Variants in DNASE1 observed in about 807,000 individuals in gnomAD.
DNASE1 encodes deoxyribonuclease-1.
Under a neutral mutation model 33.9 loss-of-function variants are expected in DNASE1, and 40 were observed. That is an observed-to-expected ratio of 1.18 (90% CI 0.92 to 1.54). DNASE1 has a LOEUF of 1.54. DNASE1 is among the 40% of genes most tolerant of loss of function. DNASE1 has a pLI of 0.00. For missense variants in DNASE1, 518 were observed against 372.6 expected, an observed-to-expected ratio of 1.39 and a Z score of -3.21; for synonymous variants, 216 against 160.0, an observed-to-expected ratio of 1.35 and a Z score of -2.64.
At chr16:3,655,649 TG>T in intron 2 of DNASE1, 129 bp downstream of exon 2, 1 of 1,482,212 alleles carries the variant, frequency 6.7e-7, no homozygotes, top group South Asian at 1.2e-5. Context: ...CCCAGCACGG[TG>T]GAACAGGCTC....
downstream of DNASE1, chr16:3,662,398 C>T (rs71388533): frequency 3.5e-6 from 2 of 576,956 alleles, no homozygotes; most frequent in South Asian, 4.1e-5. Flanking sequence ...CCATCGTCCT[C>T]TGCTCCATGC....
At chr16:3,621,497 A>T (rs2041310906) in intron 1 of DNASE1, among the ~76,000 whole-genome samples, 1 of 152,160 alleles carries the variant, frequency 6.6e-6, no homozygotes. Flanking sequence ...AAACTCCCTC[A>T]TCAGAGGCTT....
chr16:3,662,978 G>T (rs373961891), downstream of DNASE1: 215 of 1,597,574 alleles, frequency 1.3e-4, 1 homozygote, highest in Admixed American at 6.5e-4. Flanking sequence ...CTGCGGAAGA[G>T]CAGGCGACAG....
At chr16:3,619,161 A>G (rs964063720) in intron 1 of DNASE1, among the ~76,000 whole-genome samples, 2 of 151,762 alleles carry the variant, frequency 1.3e-5, no homozygotes, top group African/African-American at 4.8e-5. Flanking sequence ...CAGCCTCCCT[A>G]GTAGCTGGGA....
At chr16:3,622,134 C>T (rs1310943818) in intron 1 of DNASE1, among the ~76,000 whole-genome samples, 1 of 149,636 alleles carries the variant, frequency 6.7e-6, no homozygotes, top group South Asian at 2.2e-4. Flanking sequence ...GCAGGAGAAT[C>T]GCTTGAACCC....
chr16:3,642,138 A>C (rs1434980884), upstream of DNASE1, among the ~76,000 whole-genome samples: 5 of 152,144 alleles, frequency 3.3e-5, no homozygotes, highest in African/African-American at 9.7e-5. Context: ...AGACAGGCCC[A>C]CGTCAGCCCC....
At chr16:3,629,236 A>G (rs2041623949) in intron 1 of DNASE1, among the ~76,000 whole-genome samples, 1 of 152,018 alleles carries the variant, frequency 6.6e-6, no homozygotes, top group Non-Finnish European at 1.5e-5. Context: ...AGGTTTTTCA[A>G]ATATGGCTTT....
upstream of DNASE1, chr16:3,640,593 T>A: frequency 2.5e-6 from 1 of 397,450 alleles, no homozygotes; most frequent in East Asian, 3.6e-5. Context: ...TGCTGCATCC[T>A]ACATGAGTAT....
chr16:3,618,453 G>T (rs2041185666), intron 1 of DNASE1, among the ~76,000 whole-genome samples: 1 of 152,194 alleles, frequency 6.6e-6, no homozygotes, highest in African/African-American at 2.4e-5. Context: ...TTAAGGGCCA[G>T]GCGCGGTGGC....
At chr16:3,638,108 T>TGA (rs1555456760), upstream of DNASE1, among the ~76,000 whole-genome samples, 2 of 136,792 alleles carry the variant, frequency 1.5e-5, no homozygotes, top group Non-Finnish European at 1.6e-5. Flanking sequence ...TTTGTGAGTG[T>TGA]GTGTGTGTGT....
chr16:3,655,341 C>G (rs1394242971), intron 1 of DNASE1, 32 bp from the exon 2 acceptor site: 1 of 1,613,422 alleles, frequency 6.2e-7, no homozygotes, highest in East Asian at 2.2e-5. Context: ...CGTCTCACTT[C>G]TGTTATGTCT....
chr16:3,638,890 C>T (rs1240587032), upstream of DNASE1, among the ~76,000 whole-genome samples: 1 of 152,134 alleles, frequency 6.6e-6, no homozygotes, highest in Non-Finnish European at 1.5e-5. Flanking sequence ...GTGTTAATCC[C>T]ATCCAGTGCA....
At chr16:3,654,362 A>T, upstream of DNASE1, 6 of 398,742 alleles carry the variant, frequency 1.5e-5, no homozygotes, top group Non-Finnish European at 2.7e-5. Flanking sequence ...CGAGCTCCCC[A>T]GCCTCCTGCA....
Position 3,654,872 on chromosome 16 carries a change from C to G in DNASE1, c.-174C>G. The G allele has an allele frequency of 2.4e-6, 1 of 422,548 alleles. No homozygotes were observed. The highest frequency in any genetic ancestry group is 9.6e-5 in the South Asian group (1 of 10,440). The allele number at this position is 422,548 out of a possible 1,614,324, so 26.2% of individuals were successfully genotyped here. On this transcript the variant is annotated 5_prime_UTR_variant, in exon 1 of 9. Transcript: ENST00000246949. Reference sequence around the variant, plus strand: ...AACTCCCAGACACGCACTGCCTGTGCAGGATCCGGAGCCCAGCAGCACTGC... The same window carrying G: ...AACTCCCAGACACGCACTGCCTGTGGAGGATCCGGAGCCCAGCAGCACTGC...
At chr16:3,663,376 G>T (rs1356780546) in exon 10 of DNASE1, 1 of 1,611,314 alleles carries the variant, frequency 6.2e-7, no homozygotes, top group African/African-American at 1.3e-5. Flanking sequence ...GGAGAGGCGT[G>T]CGGGGAGTGG....
At chr16:3,615,895 G>A (rs1382700558) in intron 1 of DNASE1, among the ~76,000 whole-genome samples, 1 of 152,144 alleles carries the variant, frequency 6.6e-6, no homozygotes, top group African/African-American at 2.4e-5. Context: ...CCAGGTCTGT[G>A]GTTTGATTAT....
intron 1 of DNASE1, among the ~76,000 whole-genome samples, chr16:3,634,252 A>G (rs11641763): frequency 0.47 from 70,305 of 150,420 alleles, 19,142 homozygotes; most frequent in African/African-American, 0.77. Context: ...TTTTTGAGAC[A>G]GAGTTTCGCT....
At chr16:3,631,034 A>G (rs2041680096) in intron 1 of DNASE1, among the ~76,000 whole-genome samples, 1 of 151,640 alleles carries the variant, frequency 6.6e-6, no homozygotes, top group Non-Finnish European at 1.5e-5. Context: ...TTATTTATTT[A>G]TTTTTTTAGA....
chr16:3,662,251 T>G, downstream of DNASE1: 2 of 1,243,322 alleles, frequency 1.6e-6, no homozygotes, highest in Non-Finnish European at 2.2e-6. Flanking sequence ...TCTCAAGGAC[T>G]CCCCTGGACC....
Sources: allele counts gnomAD v4.1 joint callset (sites outside exome capture counted in the v4.1 genomes callset), GRCh38; gene constraint gnomAD v4.1.1; transcripts MANE v1.5; gene names NCBI Gene and HGNC (gene_info 2026-07-23, HGNC 2026-07-21).